TRAPPC3L: variants seen among roughly 807,000 people sequenced by gnomAD.
TRAPPC3L encodes the protein trafficking protein particle complex subunit 3-like protein.
Under a neutral mutation model 23.7 loss-of-function variants are expected in TRAPPC3L, and 23 were observed. That is an observed-to-expected ratio of 0.97 (90% CI 0.70 to 1.37). The LOEUF (loss-of-function observed/expected upper bound fraction) is 1.37, where lower values mean the gene tolerates loss of function less well. TRAPPC3L is among the 40% of genes most tolerant of loss of function. TRAPPC3L has a pLI of 0.00. For missense variants in TRAPPC3L, 212 were observed against 216.8 expected, an observed-to-expected ratio of 0.98 and a Z score of 0.14; for synonymous variants, 81 against 77.9, an observed-to-expected ratio of 1.04 and a Z score of -0.21.
intron 3 of TRAPPC3L, among the ~76,000 whole-genome samples, chr6:116,504,338 T>C (rs941026606): frequency 3.3e-5 from 5 of 152,174 alleles, no homozygotes; most frequent in Admixed American, 2.0e-4. Flanking sequence ...CAGGAAGCAG[T>C]TGAATCTCTG....
chr6:116,511,663 A>G (rs1168031007), intron 3 of TRAPPC3L: 3 of 1,591,646 alleles, frequency 1.9e-6, no homozygotes, highest in Non-Finnish European at 2.6e-6. Flanking sequence ...GCCAATAACA[A>G]AGGCACAGCA....
At chr6:116,504,995 A>G (rs9488949) in intron 3 of TRAPPC3L, among the ~76,000 whole-genome samples, 4,767 of 152,296 alleles carry the variant, frequency 0.031, 250 homozygotes, top group African/African-American at 0.11. Flanking sequence ...CCTATTCAAC[A>G]TAGTATTGGA....
At chr6:116,543,209 T>A in intron 2 of TRAPPC3L, 94 bp downstream of exon 2, 2 of 872,074 alleles carry the variant, frequency 2.3e-6, no homozygotes, top group Non-Finnish European at 3.5e-6. Context: ...GAACAGCTGG[T>A]GAAATGAAGC....
In TRAPPC3L at chr6:116,512,087, G is replaced by A. The variant is rs775191596; in HGVS notation, c.241-11421C>T. ...AACTTTCTATGAATGTGCCATGAGC[G>A]GGACGAGAAGTTCAGGACTCCTGGA... On this transcript the variant is annotated intron_variant, in intron 3 of 4. Transcript: ENST00000368602. 4.3e-6 allele frequency: 7 copies of A among 1,613,920 alleles called. No individual in the cohort carries two copies. The East Asian group carries it at 8.9e-5, about 21-fold the overall frequency.
chr6:116,541,529 G>A (rs1298139089), intron 2 of TRAPPC3L, among the ~76,000 whole-genome samples: 3 of 152,140 alleles, frequency 2.0e-5, no homozygotes, highest in African/African-American at 7.2e-5. Context: ...AGACGGATTT[G>A]ATGTGAGAGT....
At chr6:116,544,161 G>GAGAGAGAGAGAGAA (rs1466053373) in intron 1 of TRAPPC3L, among the ~76,000 whole-genome samples, 1 of 151,606 alleles carries the variant, frequency 6.6e-6, no homozygotes, top group Non-Finnish European at 1.5e-5. Flanking sequence ...AAGAGAGAGA[G>GAGAGAGAGAGAGAA]AGAGAGAGAG....
intron 3 of TRAPPC3L, among the ~76,000 whole-genome samples, chr6:116,503,340 G>A (rs931160617): frequency 1.3e-5 from 2 of 152,016 alleles, no homozygotes; most frequent in African/African-American, 4.8e-5. Context: ...CTAAATATAT[G>A]TGCACCCAAT....
At chr6:116,537,405 T>A (rs1478642051) in intron 3 of TRAPPC3L, among the ~76,000 whole-genome samples, 1 of 152,212 alleles carries the variant, frequency 6.6e-6, no homozygotes, top group Non-Finnish European at 1.5e-5. Flanking sequence ...CAAATTTCGT[T>A]AGAATCTTCT....
Position 116,516,964 on chromosome 6 carries a change from G to T in TRAPPC3L, c.241-16298C>A, listed in dbSNP as rs1772240881. ...ACAAAATAGAAATTTATTTCTCACAGTTCTGGAGGCTGGGAAGTCCGAGGT... is the reference window on the plus strand; with the variant it reads ...ACAAAATAGAAATTTATTTCTCACATTTCTGGAGGCTGGGAAGTCCGAGGT... On this transcript the variant is annotated intron_variant, in intron 3 of 4. Coordinates refer to ENST00000368602, the MANE Select transcript of TRAPPC3L (RefSeq NM_001139444.3). 3 of 153,008 alleles carry T rather than the reference G, an allele frequency of 2.0e-5. No individual in the cohort carries two copies. The Admixed American group carries it at 2.0e-4, about 10-fold the overall frequency. 9.5% of individuals were successfully genotyped at this position (153,008 alleles called of 1,614,324 possible).
chr6:116,543,389 G>A lies in TRAPPC3L; in HGVS notation c.54C>T (p.Leu18=), dbSNP rs1253625859. 1 of 1,549,334 alleles carries A rather than the reference G, an allele frequency of 6.5e-7. No individual in the cohort carries two copies. Among genetic ancestry groups the A allele is most frequent in the South Asian group, 1.2e-5 (1 of 83,858 alleles). The part of the protein sequence containing the change: ...RPEYHKINKD[L]FVLTYGALVA... ...CCAGAGCTCCATAGGTAAGGACAAA[G>A]AGATCTTTATTCTGGAGAAAAAGGG... The change falls in exon 2 of 5, where the codon CTC becomes CTT. Residue 18 remains leucine (L), a synonymous_variant. Transcript: ENST00000368602.
At chr6:116,540,941 A>G (rs1429348748) in intron 2 of TRAPPC3L, among the ~76,000 whole-genome samples, 1 of 152,162 alleles carries the variant, frequency 6.6e-6, no homozygotes, top group African/African-American at 2.4e-5. Flanking sequence ...GGAGGGGAAG[A>G]AGAGAGCAGA....
Position 116,543,369 on chromosome 6 carries a change from G to A in TRAPPC3L, c.74C>T (p.Ala25Val), listed in dbSNP as rs1278652890. The A allele has an allele frequency of 9.7e-6, 15 of 1,549,804 alleles. No individual in the cohort carries two copies. The South Asian group carries it at 1.5e-4, about 16-fold the overall frequency. Reference sequence around the variant, plus strand: ...ATCCTTACACAGCTGGGCAACCAGAGCTCCATAGGTAAGGACAAAGAGATC... The same window carrying A: ...ATCCTTACACAGCTGGGCAACCAGAACTCCATAGGTAAGGACAAAGAGATC... ...NKDLFVLTYG[A>V]LVAQLCKDYE... The change falls in exon 2 of 5, where the codon GCT becomes GTT. Residue 25 changes from alanine to valine, a missense_variant. Physicochemically the swap from Ala to Val is moderately conservative, Grantham distance 64. Coordinates refer to ENST00000368602, the MANE Select transcript of TRAPPC3L (RefSeq NM_001139444.3).
intron 3 of TRAPPC3L, among the ~76,000 whole-genome samples, chr6:116,506,288 G>A (rs900209602): frequency 2.0e-5 from 3 of 152,204 alleles, no homozygotes; most frequent in Non-Finnish European, 2.9e-5. Flanking sequence ...GTTCATCAGA[G>A]AAATGCAAAT....
chr6:116,508,425 G>A (rs1472719811), intron 3 of TRAPPC3L, among the ~76,000 whole-genome samples: 1 of 152,198 alleles, frequency 6.6e-6, no homozygotes, highest in Non-Finnish European at 1.5e-5. Context: ...GTGAGCAGTT[G>A]TGAGCCCCAA....
At chr6:116,521,428 T>G (rs549645988) in intron 3 of TRAPPC3L, 1 of 151,998 alleles carries the variant, frequency 6.6e-6, no homozygotes, top group Non-Finnish European at 1.5e-5. Flanking sequence ...AGTTTTTATT[T>G]CCAAGGGCCA....
At chr6:116,520,048 G>A (rs1027137283) in intron 3 of TRAPPC3L, 3 of 152,120 alleles carry the variant, frequency 2.0e-5, no homozygotes, top group Non-Finnish European at 4.4e-5. Context: ...TAAAATATAT[G>A]TGTCCAAAGC....
At chr6:116,521,183 C>A in intron 3 of TRAPPC3L, 1 of 151,418 alleles carries the variant, frequency 6.6e-6, no homozygotes, top group East Asian at 1.9e-4. Context: ...CAAAACATGA[C>A]AAATATATAA....
chr6:116,503,365 A>G (rs909949149), intron 3 of TRAPPC3L, among the ~76,000 whole-genome samples: 2 of 152,250 alleles, frequency 1.3e-5, no homozygotes, highest in Non-Finnish European at 2.9e-5. Flanking sequence ...GAGCATCCAG[A>G]TTCATAAAGC....
intron 3 of TRAPPC3L, among the ~76,000 whole-genome samples, chr6:116,531,098 C>T (rs1297975123): frequency 6.6e-6 from 1 of 151,874 alleles, no homozygotes; most frequent in Non-Finnish European, 1.5e-5. Flanking sequence ...ATTCTGGCCA[C>T]AGTTAATGGA....
Sources: allele counts gnomAD v4.1 joint callset (sites outside exome capture counted in the v4.1 genomes callset), GRCh38; gene constraint gnomAD v4.1.1; transcripts MANE v1.5; gene names NCBI Gene and HGNC (gene_info 2026-07-23, HGNC 2026-07-21).